Variants in ELOVL6 observed in about 807,000 individuals in gnomAD.
ELOVL6 encodes very long chain fatty acid elongase 6.
A neutral mutation model predicts 31.7 loss-of-function variants in ELOVL6; 8 were observed. The ratio of observed to expected loss-of-function variants is 0.25; its 90% confidence interval spans 0.15 to 0.45. The LOEUF (loss-of-function observed/expected upper bound fraction) is 0.45, where lower values mean the gene tolerates loss of function less well. ELOVL6 is among the 20% of genes least tolerant of loss of function. The pLI is 1.00. For synonymous variants in ELOVL6, 101 were observed against 117.7 expected (o/e 0.86, Z 0.92); for missense variants, 126 against 326.4 (o/e 0.39, Z 4.73).
chr4:110,178,414 C>T (rs566638147), intron 1 of ELOVL6, among the ~76,000 whole-genome samples: 30 of 151,904 alleles, frequency 2.0e-4, no homozygotes, highest in Middle Eastern at 3.2e-3. Context: ...TGGTGGCGCA[C>T]GCCTATAGTC....
intron 3 of ELOVL6, among the ~76,000 whole-genome samples, chr4:110,057,340 T>TG (rs1170591203): frequency 1.3e-4 from 20 of 150,150 alleles, no homozygotes; most frequent in Non-Finnish European, 4.4e-5. Context: ...AAAAAAAAAT[T>TG]GAGGGGGAAG....
At chr4:110,097,305 C>CAAAAAAAAAAAAAAAAA (rs33970271) in intron 2 of ELOVL6, among the ~76,000 whole-genome samples, 3 of 88,690 alleles carry the variant, frequency 3.4e-5, no homozygotes, top group Non-Finnish European at 4.6e-5. Context: ...ACTCCATCTC[C>CAAAAAAAAAAAAAAAAA]AAAAAAAAAA....
At chr4:110,166,724 T>C (rs1758789489) in intron 1 of ELOVL6, among the ~76,000 whole-genome samples, 1 of 152,210 alleles carries the variant, frequency 6.6e-6, no homozygotes, top group African/African-American at 2.4e-5. Flanking sequence ...TAAGACATCA[T>C]GAGTATTCTG....
chr4:110,127,964 T>G (rs1057235926), intron 1 of ELOVL6, among the ~76,000 whole-genome samples: 1 of 151,730 alleles, frequency 6.6e-6, no homozygotes, highest in Non-Finnish European at 1.5e-5. Flanking sequence ...TCCCAGCACT[T>G]TGGGAGGCCA....
intron 1 of ELOVL6, among the ~76,000 whole-genome samples, chr4:110,129,260 C>A (rs897549277): frequency 5.9e-5 from 9 of 152,168 alleles, no homozygotes; most frequent in African/African-American, 2.2e-4. Context: ...TGAGACACAT[C>A]TACACTGGAT....
intron 1 of ELOVL6, among the ~76,000 whole-genome samples, chr4:110,114,372 C>T (rs914856558): frequency 6.6e-6 from 1 of 151,748 alleles, no homozygotes; most frequent in African/African-American, 2.4e-5. Context: ...CTTTTCCAGT[C>T]CAGTGGCCTA....
At chr4:110,094,898 T>C (rs1292570920) in intron 2 of ELOVL6, among the ~76,000 whole-genome samples, 2 of 152,152 alleles carry the variant, frequency 1.3e-5, no homozygotes, top group African/African-American at 4.8e-5. Flanking sequence ...GGTGTGAGAT[T>C]TGTATTCATT....
chr4:110,142,614 G>C (rs561336542), intron 1 of ELOVL6, among the ~76,000 whole-genome samples: 1 of 152,308 alleles, frequency 6.6e-6, no homozygotes, highest in East Asian at 1.9e-4. Context: ...CCAATAGTAA[G>C]AATGAACTCT....
intron 2 of ELOVL6, among the ~76,000 whole-genome samples, chr4:110,100,729 G>A (rs758640290): frequency 6.6e-6 from 1 of 152,254 alleles, no homozygotes. Context: ...TGAAATGTTT[G>A]GTTCTTTCTC....
intron 1 of ELOVL6, among the ~76,000 whole-genome samples, chr4:110,164,305 T>C (rs1390705990): frequency 6.6e-6 from 1 of 152,120 alleles, no homozygotes; most frequent in Non-Finnish European, 1.5e-5. Context: ...ACTGCTGCCC[T>C]GATGACAAGT....
chr4:110,122,984 C>G (rs560729478), intron 1 of ELOVL6, among the ~76,000 whole-genome samples: 36 of 152,308 alleles, frequency 2.4e-4, no homozygotes, highest in Middle Eastern at 6.8e-3. Flanking sequence ...TACTGTAGCA[C>G]TTGTCTGTTT....
intron 1 of ELOVL6, among the ~76,000 whole-genome samples, chr4:110,106,500 T>C (rs1756894350): frequency 6.6e-6 from 1 of 152,148 alleles, no homozygotes; most frequent in Non-Finnish European, 1.5e-5. Flanking sequence ...CTTCCCTTTT[T>C]AGACTGTATA....
Position 110,084,551 on chromosome 4 carries a change from C to CAGATATATATTTATATATAT in ELOVL6, c.221+20945_221+20946insATATATATAAATATATATCT, listed in dbSNP as rs1163599448. Reference sequence around the variant, plus strand: ...ACACTTACACACACACACACACACACACACACACACAGATATATATATATA... The same window carrying CAGATATATATTTATATATAT: ...ACACTTACACACACACACACACACACAGATATATATTTATATATATACACACACACAGATATATATATATA... On this transcript the variant is annotated intron_variant, in intron 2 of 3. Transcript: ENST00000302274. Among the ~76,000 whole-genome samples the CAGATATATATTTATATATAT allele has an allele frequency of 8.7e-4, 56 of 64,688 alleles. 1 individual carries two copies. The highest frequency in any genetic ancestry group is 1.6e-3 in the Admixed American group (9 of 5,762). The allele number at this position is 64,688 out of a possible 152,430, so 42.4% of individuals were successfully genotyped here. A position where few individuals can be genotyped will look rare whatever the true frequency, so the allele number is the denominator to read the frequency against.
intron 2 of ELOVL6, among the ~76,000 whole-genome samples, chr4:110,095,749 G>A (rs1366749723): frequency 6.6e-6 from 1 of 152,172 alleles, no homozygotes; most frequent in East Asian, 1.9e-4. Flanking sequence ...ACAGCAACTA[G>A]TGGTTGCAAA....
chr4:110,085,960 A>G (rs916422673), intron 2 of ELOVL6, among the ~76,000 whole-genome samples: 3 of 152,168 alleles, frequency 2.0e-5, no homozygotes, highest in African/African-American at 7.2e-5. Context: ...TAATCCCAAG[A>G]GTGCTGAGAT....
chr4:110,159,600 T>C (rs1197420079), intron 1 of ELOVL6, among the ~76,000 whole-genome samples: 1 of 152,224 alleles, frequency 6.6e-6, no homozygotes, highest in Non-Finnish European at 1.5e-5. Context: ...ATATACTTTC[T>C]AAAAATCATA....
intron 1 of ELOVL6, among the ~76,000 whole-genome samples, chr4:110,176,151 CTTATTTAT>C (rs35100521): frequency 2.0e-5 from 3 of 149,436 alleles, no homozygotes; most frequent in Non-Finnish European, 4.5e-5. Flanking sequence ...ATGTTTCTAC[CTTATTTAT>C]TTATTTATTT....
chr4:110,078,778 T>A (rs9760443), intron 2 of ELOVL6, among the ~76,000 whole-genome samples: 82,403 of 152,030 alleles, frequency 0.54, 23,309 homozygotes, highest in African/African-American at 0.7. Flanking sequence ...TGCTCCAAAT[T>A]AAAGACACAG....
At chr4:110,068,895 C>T (rs1218778424) in intron 2 of ELOVL6, among the ~76,000 whole-genome samples, 3 of 152,184 alleles carry the variant, frequency 2.0e-5, no homozygotes, top group Non-Finnish European at 4.4e-5. Context: ...GTAATCCCAA[C>T]ACTTTGGAAG....
Sources: gnomAD v4.1 joint callset for allele counts (sites outside exome capture counted in the v4.1 genomes callset) on GRCh38, gnomAD v4.1.1 for gene constraint, MANE v1.5 for transcripts, NCBI Gene and HGNC (gene_info 2026-07-23, HGNC 2026-07-21) for gene names.